The following PAX8 variants were observed in gnomAD, a reference collection of about 807,000 sequenced individuals.
PAX8 encodes paired box 8, also known as paired box protein Pax-8.
Under a neutral mutation model 52.4 loss-of-function variants are expected in PAX8, and 15 were observed. The observed-to-expected ratio is 0.29, with a 90% CI of 0.19 to 0.44. The LOEUF (loss-of-function observed/expected upper bound fraction) is 0.44, where lower values mean the gene tolerates loss of function less well. Among genes scored for constraint, PAX8 ranks in the 20% least tolerant of loss-of-function variants. The pLI is 1.00. For synonymous variants in PAX8, 284 were observed against 249.7 expected, an observed-to-expected ratio of 1.14 and a Z score of -1.29; for missense variants, 554 against 602.5, an observed-to-expected ratio of 0.92 and a Z score of 0.84.
chr2:113,248,538 G>C (rs535099516), intron 2 of PAX8, among the ~76,000 whole-genome samples: 1 of 152,336 alleles, frequency 6.6e-6, no homozygotes, highest in South Asian at 2.1e-4. Flanking sequence ...GGCCGAGGGT[G>C]GGAAGTGCCT....
intron 2 of PAX8, among the ~76,000 whole-genome samples, chr2:113,257,785 A>G (rs964621809): frequency 1.3e-5 from 2 of 152,202 alleles, no homozygotes; most frequent in African/African-American, 4.8e-5. Flanking sequence ...AATAATAATC[A>G]TAGCCAGTAT....
chr2:113,263,721 G>A (rs1356480275), intron 2 of PAX8, among the ~76,000 whole-genome samples: 3 of 152,158 alleles, frequency 2.0e-5, no homozygotes, highest in Non-Finnish European at 4.4e-5. Context: ...AAGAAGGGCT[G>A]TGCCCCCAGC....
chr2:113,269,099 AG>A (rs1410087792), intron 2 of PAX8: 1 of 152,272 alleles, frequency 6.6e-6, no homozygotes, highest in East Asian at 1.9e-4. Context: ...AGGCCTACAG[AG>A]GGGAAAGTTT....
intron 2 of PAX8, chr2:113,273,645 C>T (rs192984633): frequency 1.3e-5 from 2 of 152,304 alleles, no homozygotes; most frequent in African/African-American, 4.8e-5. Context: ...CCCCAAGTCA[C>T]ACACACAAAT....
chr2:113,238,484 A>C (rs193287584), intron 7 of PAX8: 1 of 152,768 alleles, frequency 6.5e-6, no homozygotes, highest in Admixed American at 6.5e-5. Context: ...TCAGAATCCT[A>C]TAGCTATTTC....
In PAX8 at chr2:113,226,697, C is replaced by A. The variant is rs1256818872; in HGVS notation, c.1189+458G>T. On this transcript the variant is annotated intron_variant, in intron 10 of 11. Transcript: ENST00000429538. ...ATCATCATCATCATCATCATCAATACCCTTCAGATTCAGATTTTACAGAAC... is the reference window on the plus strand; with the variant it reads ...ATCATCATCATCATCATCATCAATAACCTTCAGATTCAGATTTTACAGAAC... 5.4e-6 allele frequency: 6 copies of A among 1,118,994 alleles called. No homozygotes were observed. In the South Asian group the frequency reaches 7.4e-5, roughly 14 times the overall value. The allele number at this position is 1,118,994 out of a possible 1,614,324, so 69.3% of individuals were successfully genotyped here.
At chr2:113,274,995 G>A (rs894895735) in intron 2 of PAX8, 7 of 152,140 alleles carry the variant, frequency 4.6e-5, no homozygotes, top group African/African-American at 1.7e-4. Context: ...TTAAACCAAA[G>A]TGTCCCTTAG....
At chr2:113,258,233 A>G (rs1455789882) in intron 2 of PAX8, among the ~76,000 whole-genome samples, 2 of 152,224 alleles carry the variant, frequency 1.3e-5, no homozygotes, top group Non-Finnish European at 2.9e-5. Context: ...AGGGCACCTA[A>G]TTCCTTTATT....
Position 113,220,089 on chromosome 2 carries a change from T to C in PAX8, c.1276+3A>G. 1 of 1,611,342 alleles carries C rather than the reference T, an allele frequency of 6.2e-7. No homozygotes were observed. ...AGAGGCCTGGGCAGCCCCAGGGACT[T>C]ACTCAGCAAGCTGGAGTTGGGGAAG... On this transcript the variant is annotated splice_donor_region_variant and intron_variant, in intron 11 of 11. Transcript: ENST00000429538.
chr2:113,236,644 C>T lies in PAX8; in HGVS notation c.855G>A (p.Leu285=). ...KATLTPSNTP[L]GRNLSTHQTY... ...TCTGGTGAGTCGAGAGGTTGCGCCCCAGTGGCGTGTTGGAAGGGGTCAGGG... is the reference window on the plus strand; with the variant it reads ...TCTGGTGAGTCGAGAGGTTGCGCCCTAGTGGCGTGTTGGAAGGGGTCAGGG... The change falls in exon 8 of 12, where the codon CTG becomes CTA. Residue 285 remains leucine (L), a synonymous_variant. Transcript: ENST00000429538. 6.3e-7 allele frequency: 1 copy of T among 1,595,326 alleles called. No individual in the cohort carries two copies. The highest frequency in any genetic ancestry group is 8.5e-7 in the Non-Finnish European group (1 of 1,171,380).
chr2:113,273,233 G>A (rs937027605), intron 2 of PAX8: 3 of 152,298 alleles, frequency 2.0e-5, no homozygotes, highest in Non-Finnish European at 2.9e-5. Flanking sequence ...ACAAACTGCA[G>A]TTCCTGCCTG....
rs531249238 is a variant in PAX8 at position 113,216,500 on chromosome 2, G to A, written c.*2033C>T. 3.9e-5 allele frequency: 9 copies of A among 230,710 alleles called. No individual in the cohort carries two copies. The East Asian group carries it at 5.5e-4, about 14-fold the overall frequency. 14.3% of individuals were successfully genotyped at this position (230,710 alleles called of 1,614,324 possible). ...CCCAGCTGCAGGCCCCTGCCCCCTTGTTCCAGCTGTGTCCCACATGGAGAA... is the reference window on the plus strand; with the variant it reads ...CCCAGCTGCAGGCCCCTGCCCCCTTATTCCAGCTGTGTCCCACATGGAGAA... On this transcript the variant is annotated 3_prime_UTR_variant, in exon 12 of 12. Coordinates refer to ENST00000429538, the MANE Select transcript of PAX8 (RefSeq NM_003466.4).
In PAX8 at chr2:113,216,945, G is replaced by A; in HGVS notation, c.*1588C>T. ...GGGCTAATTTCAGCTTAACTTATATGAAGCCTTCCATACTGTGCCTGGCAC... is the reference window on the plus strand; with the variant it reads ...GGGCTAATTTCAGCTTAACTTATATAAAGCCTTCCATACTGTGCCTGGCAC... On this transcript the variant is annotated 3_prime_UTR_variant, in exon 12 of 12. Coordinates refer to ENST00000429538, the MANE Select transcript of PAX8 (RefSeq NM_003466.4). The A allele has an allele frequency of 4.3e-6, 1 of 230,518 alleles. No individual in the cohort carries two copies. Among genetic ancestry groups the A allele is most frequent in the Non-Finnish European group, 8.6e-6 (1 of 116,274 alleles). 14.3% of individuals were successfully genotyped at this position (230,518 alleles called of 1,614,324 possible).
At chr2:113,235,869 T>G in intron 8 of PAX8, 2 of 445,884 alleles carry the variant, frequency 4.5e-6, no homozygotes, top group Non-Finnish European at 8.0e-6. Context: ...GGGAGCGGCC[T>G]AGGACCGGAG....
intron 2 of PAX8, among the ~76,000 whole-genome samples, chr2:113,262,950 C>T (rs975183316): frequency 2.6e-5 from 4 of 152,174 alleles, no homozygotes; most frequent in African/African-American, 7.2e-5. Context: ...GTCACTGCAG[C>T]GCTAGCAAAC....
intron 7 of PAX8, 48 bp downstream of exon 7, chr2:113,241,503 C>CT (rs1306004900): frequency 6.5e-7 from 1 of 1,540,290 alleles, no homozygotes; most frequent in South Asian, 1.2e-5. Context: ...AATAGACCTT[C>CT]TCTGGCCCTT....
In PAX8 at chr2:113,244,422, CTT is replaced by C. The variant is rs754275733; in HGVS notation, c.389+3_389+4del. 1 of 1,611,852 alleles carries C rather than the reference CTT, an allele frequency of 6.2e-7. No individual in the cohort carries two copies. Among genetic ancestry groups the C allele is most frequent in the Non-Finnish European group, 8.5e-7 (1 of 1,178,154 alleles). ...CCTGACACCAGAGGCTGCTTTCTCTCTTACCTATTAATGGAGCTGACACTGGG... is the reference window on the plus strand; with the variant it reads ...CCTGACACCAGAGGCTGCTTTCTCTCACCTATTAATGGAGCTGACACTGGG... On this transcript the variant is annotated splice_donor_region_variant and intron_variant, in intron 4 of 11. Coordinates refer to ENST00000429538, the MANE Select transcript of PAX8 (RefSeq NM_003466.4).
intron 2 of PAX8, chr2:113,275,249 TAAAAC>T (rs1282220042): frequency 4.6e-5 from 7 of 152,210 alleles, no homozygotes; most frequent in African/African-American, 1.7e-4. Flanking sequence ...ATACTTATCT[TAAAAC>T]TAATTCACAA....
In PAX8 at chr2:113,218,048, T is replaced by G. The variant is rs1034473100; in HGVS notation, c.*485A>C. 3.9e-5 allele frequency: 9 copies of G among 233,734 alleles called. No individual in the cohort carries two copies. Among genetic ancestry groups the G allele is most frequent in the Admixed American group, 5.6e-5 (1 of 17,782 alleles). The allele number at this position is 233,734 out of a possible 1,614,324, so 14.5% of individuals were successfully genotyped here. A position where few individuals can be genotyped will look rare whatever the true frequency, so the allele number is the denominator to read the frequency against. ...AGGCTGAGGGAGGTGACTCCCTGGGTGGCTGGTGAGGAGAGCCTCGGCACC... is the reference window on the plus strand; with the variant it reads ...AGGCTGAGGGAGGTGACTCCCTGGGGGGCTGGTGAGGAGAGCCTCGGCACC... On this transcript the variant is annotated 3_prime_UTR_variant, in exon 12 of 12. Transcript: ENST00000429538.
Sources: gnomAD v4.1 joint callset for allele counts (sites outside exome capture counted in the v4.1 genomes callset) on GRCh38, gnomAD v4.1.1 for gene constraint, MANE v1.5 for transcripts, NCBI Gene and HGNC (gene_info 2026-07-23, HGNC 2026-07-21) for gene names.